COL4A2: variants seen among roughly 807,000 people sequenced by gnomAD.
COL4A2 encodes the protein collagen alpha-2(IV) chain.
A neutral mutation model predicts 200.2 loss-of-function variants in COL4A2; 99 were observed. The observed-to-expected ratio is 0.49, with a 90% CI of 0.42 to 0.58. COL4A2 has a LOEUF of 0.58. COL4A2 is among the 20% of genes least tolerant of loss of function. COL4A2 has a pLI of 0.00. For synonymous variants in COL4A2, 897 were observed against 900.6 expected (o/e 1.00, Z 0.07); for missense variants, 1,950 against 2,314.1 (o/e 0.84, Z 3.23).
intron 3 of COL4A2, among the ~76,000 whole-genome samples, chr13:110,309,143 G>A (rs763019248): frequency 2.6e-5 from 4 of 152,208 alleles, no homozygotes; most frequent in Non-Finnish European, 4.4e-5. Context: ...ACATCGTTCT[G>A]CCCTGATGTA....
rs866066546 is a variant in COL4A2, at chr13:110,442,685, T to C, written c.957+2852T>C. Among the ~76,000 whole-genome samples, 4 of 151,824 alleles carry C rather than the reference T, an allele frequency of 2.6e-5. No individual in the cohort carries two copies. In the South Asian group the frequency reaches 6.3e-4, roughly 24 times the overall value. ...AGTTCCAGCCTTTTCTAAAAAGGAA[T>C]GGAGACGTAGCATTTATGAATTTGG... On this transcript the variant is annotated intron_variant, in intron 16 of 47. Coordinates refer to ENST00000360467, the MANE Select transcript of COL4A2 (RefSeq NM_001846.4).
Position 110,409,037 on chromosome 13 carries a change from TAC to T in COL4A2, c.181-15691_181-15690del, listed in dbSNP as rs968329177. ...ATACACATGGACACGCGCACACGTT[TAC>T]ACACATGCAGATATACACATGCACA... is the stretch of plus-strand genomic sequence containing the variant. On this transcript the variant is annotated intron_variant, in intron 4 of 47. Coordinates refer to ENST00000360467, the MANE Select transcript of COL4A2 (RefSeq NM_001846.4). 1.8e-4 allele frequency among the ~76,000 whole-genome samples: 23 copies of T among 127,418 alleles called. 1 individual carries two copies. The highest frequency in any genetic ancestry group is 6.9e-4 in the African/African-American group (23 of 33,178). 83.6% of individuals were successfully genotyped at this position (127,418 alleles called of 152,430 possible). A position where few individuals can be genotyped will look rare whatever the true frequency, so the allele number is the denominator to read the frequency against.
At chr13:110,492,875 G>C (rs531623296) in intron 38 of COL4A2, among the ~76,000 whole-genome samples, 1 of 152,180 alleles carries the variant, frequency 6.6e-6, no homozygotes, top group South Asian at 2.1e-4. Flanking sequence ...CGTGTAAGTT[G>C]AGCGTGTGGC....
At chr13:110,357,149 G>A (rs990438503) in intron 3 of COL4A2, among the ~76,000 whole-genome samples, 1 of 152,088 alleles carries the variant, frequency 6.6e-6, no homozygotes, top group Non-Finnish European at 1.5e-5. Context: ...CTCTGGTGAT[G>A]GTGATGCGGG....
intron 4 of COL4A2, among the ~76,000 whole-genome samples, chr13:110,384,424 C>T (rs1409937392): frequency 6.6e-6 from 1 of 152,220 alleles, no homozygotes; most frequent in Non-Finnish European, 1.5e-5. Flanking sequence ...CCCAAGGGAA[C>T]TTAACCAGTA....
At chr13:110,427,565 A>G (rs533199016) in intron 6 of COL4A2, among the ~76,000 whole-genome samples, 8 of 152,376 alleles carry the variant, frequency 5.3e-5, no homozygotes, top group African/African-American at 7.2e-5. Flanking sequence ...CAAGAAAACT[A>G]AAGTTTAAAA....
chr13:110,412,615 C>A (rs1027015741), intron 4 of COL4A2, among the ~76,000 whole-genome samples: 3 of 152,218 alleles, frequency 2.0e-5, no homozygotes, highest in African/African-American at 7.2e-5. Flanking sequence ...CCTACATTGA[C>A]AAACTCACCC....
chr13:110,424,834 G>T lies in COL4A2; in HGVS notation c.281G>T (p.Gly94Val). 2.5e-6 allele frequency: 4 copies of T among 1,614,104 alleles called. No homozygotes were observed. Among genetic ancestry groups the T allele is most frequent in the African/African-American group, 1.3e-5 (1 of 75,058 alleles). The change falls in exon 5 of 48, where the codon GGA becomes GTA. Residue 94 changes from glycine to valine, a missense_variant. By Grantham distance (109) the Gly-to-Val change is moderately radical. Transcript: ENST00000360467. ...CGTAAAGGAGACAAGGGTGAAAGGGGAGCCCCCGGAGTAACGGGACCCAAG... is the reference window on the plus strand; with the variant it reads ...CGTAAAGGAGACAAGGGTGAAAGGGTAGCCCCCGGAGTAACGGGACCCAAG... ...QGRKGDKGER[G>V]APGVTGPKGD...
intron 4 of COL4A2, among the ~76,000 whole-genome samples, chr13:110,405,832 T>C (rs925857568): frequency 6.6e-6 from 1 of 152,200 alleles, no homozygotes; most frequent in Non-Finnish European, 1.5e-5. Context: ...CTCAATGGAT[T>C]CTAAGAGAGC....
At chr13:110,335,789 G>T (rs574576707) in intron 3 of COL4A2, among the ~76,000 whole-genome samples, 3 of 152,292 alleles carry the variant, frequency 2.0e-5, no homozygotes, top group African/African-American at 7.2e-5. Flanking sequence ...ATTACTAGAT[G>T]CCTTTCTTCT....
intron 6 of COL4A2, among the ~76,000 whole-genome samples, chr13:110,427,535 A>G (rs1880513615): frequency 6.6e-6 from 1 of 152,252 alleles, no homozygotes; most frequent in African/African-American, 2.4e-5. Flanking sequence ...TCACTCTGGA[A>G]TATATGTTTG....
chr13:110,438,808 C>A lies in COL4A2; in HGVS notation c.912+140C>A, dbSNP rs968490017. Reference sequence around the variant, plus strand: ...TTTCCCGTTATTACTCCCCACCCCCCCCCACACACACACACAGCAGCCCCC... The same window carrying A: ...TTTCCCGTTATTACTCCCCACCCCCACCCACACACACACACAGCAGCCCCC... On this transcript the variant is annotated intron_variant, in intron 15 of 47. Coordinates refer to ENST00000360467, the MANE Select transcript of COL4A2 (RefSeq NM_001846.4). The A allele has an allele frequency of 2.4e-4, 145 of 602,506 alleles. 1 individual carries two copies. Among genetic ancestry groups the A allele is most frequent in the Middle Eastern group, 4.1e-4 (1 of 2,436 alleles). The allele number at this position is 602,506 out of a possible 1,614,324, so 37.3% of individuals were successfully genotyped here.
At chr13:110,479,622 CT>C (rs985963973) in intron 30 of COL4A2, among the ~76,000 whole-genome samples, 1 of 152,114 alleles carries the variant, frequency 6.6e-6, no homozygotes, top group African/African-American at 2.4e-5. Context: ...CAGAGGGGGC[CT>C]TTGGGAGTTT....
intron 40 of COL4A2, among the ~76,000 whole-genome samples, chr13:110,498,137 A>T (rs1024573957): frequency 1.3e-5 from 2 of 152,248 alleles, no homozygotes; most frequent in East Asian, 3.8e-4. Flanking sequence ...TATTTTCACC[A>T]TGTGACCTTG....
intron 39 of COL4A2, among the ~76,000 whole-genome samples, chr13:110,494,827 T>C (rs1339714340): frequency 6.6e-6 from 1 of 152,268 alleles, no homozygotes; most frequent in African/African-American, 2.4e-5. Context: ...CAGGTGAATT[T>C]GTATGTGTGT....
intron 20 of COL4A2, among the ~76,000 whole-genome samples, chr13:110,451,669 G>A (rs920687782): frequency 2.0e-5 from 3 of 152,184 alleles, no homozygotes; most frequent in African/African-American, 7.2e-5. Flanking sequence ...ATTACCTCCT[G>A]TGAACCAGGT....
chr13:110,429,837 T>G, intron 7 of COL4A2, 48 bp from the exon 8 acceptor site: 1 of 1,575,342 alleles, frequency 6.3e-7, no homozygotes, highest in Non-Finnish European at 8.7e-7. Context: ...CGAATGTTAA[T>G]GGACTCTTTT....
In COL4A2 at chr13:110,501,724, C is replaced by G. The variant is rs201442362; in HGVS notation, c.3817C>G (p.Pro1273Ala). 1.5e-5 allele frequency: 24 copies of G among 1,613,810 alleles called. No individual in the cohort carries two copies. Among genetic ancestry groups the G allele is most frequent in the East Asian group, 4.5e-5 (2 of 44,888 alleles). ...TCAGGGGTTCCCTGGTATCACACCC[C>G]CTTCCAACATCTCTGGGGCACCTGG... Reference protein sequence around the residue: ...GLQGFPGITPPSNISGAPGDK... With the variant: ...GLQGFPGITPASNISGAPGDK... Residue 1273 changes from proline (P) to alanine (A), a missense_variant, in exon 41 of 48, where the codon CCT (proline) becomes GCT (alanine). Transcript: ENST00000360467.
In COL4A2 at chr13:110,369,386, GT is replaced by G. The variant is rs1284473688; in HGVS notation, c.180+11837del. ...AGCATTTTGGATTTCAGATTTTTCAGTTTAGGGTTGCTCAACCAGTAAGTAT... is the reference window on the plus strand; with the variant it reads ...AGCATTTTGGATTTCAGATTTTTCAGTTAGGGTTGCTCAACCAGTAAGTAT... On this transcript the variant is annotated intron_variant, in intron 4 of 47. Coordinates refer to ENST00000360467, the MANE Select transcript of COL4A2 (RefSeq NM_001846.4). 1.3e-5 allele frequency among the ~76,000 whole-genome samples: 2 copies of G among 152,088 alleles called. 1 individual carries two copies. The highest frequency in any genetic ancestry group is 6.3e-3 in the Middle Eastern group (2 of 316).
Sources: gnomAD v4.1 joint callset for allele counts (sites outside exome capture counted in the v4.1 genomes callset) on GRCh38, gnomAD v4.1.1 for gene constraint, MANE v1.5 for transcripts, NCBI Gene and HGNC (gene_info 2026-07-23, HGNC 2026-07-21) for gene names.